The following HERC4 variants were observed in gnomAD, a reference collection of about 807,000 sequenced individuals.
HERC4 encodes the protein probable E3 ubiquitin-protein ligase HERC4.
In HERC4, 28 loss-of-function variants were observed where a neutral mutation model predicts 124.3. The ratio of observed to expected loss-of-function variants is 0.23; its 90% CI spans 0.17 to 0.31. The LOEUF is 0.31. Among genes scored for constraint, HERC4 ranks in the 10% least tolerant of loss-of-function variants. The probability of loss-of-function intolerance (pLI) is 1.00; values close to 1 mark genes in which losing one functional copy is unlikely to be tolerated. For synonymous variants in HERC4, 407 were observed against 421.5 expected (o/e 0.97, Z 0.42); for missense variants, 713 against 1,229.3 (o/e 0.58, Z 6.28).
At chr10:67,923,162 G>A in intron 24 of HERC4, 23 bp from the exon 25 acceptor site, 1 of 1,581,796 alleles carries the variant, frequency 6.3e-7, no homozygotes, top group Non-Finnish European at 8.7e-7. Flanking sequence ...AAATCATTCA[G>A]TCAACCACTT....
intron 1 of HERC4, chr10:68,074,236 C>T (rs893363440): frequency 3.9e-5 from 6 of 152,124 alleles, no homozygotes; most frequent in Non-Finnish European, 8.8e-5. Flanking sequence ...TACTAAATAT[C>T]ATAATTACAG....
At chr10:68,065,424 A>G (rs970333865) in intron 3 of HERC4, among the ~76,000 whole-genome samples, 5 of 152,372 alleles carry the variant, frequency 3.3e-5, no homozygotes, top group African/African-American at 1.2e-4. Flanking sequence ...CCCATTCTAA[A>G]GGATTCCAGA....
intron 9 of HERC4, among the ~76,000 whole-genome samples, chr10:68,013,494 A>T (rs986909049): frequency 6.6e-6 from 1 of 152,210 alleles, no homozygotes; most frequent in African/African-American, 2.4e-5. Context: ...ACACTACTAT[A>T]TGATTCCACT....
chr10:68,070,306 T>C (rs2041507040), intron 3 of HERC4: 1 of 959,838 alleles, frequency 1.0e-6, no homozygotes, highest in Admixed American at 6.2e-5. Context: ...GTTAAAAACA[T>C]TATTTAAAAA....
intron 3 of HERC4, among the ~76,000 whole-genome samples, chr10:68,063,729 G>C (rs2041151932): frequency 6.6e-6 from 1 of 152,138 alleles, no homozygotes. Flanking sequence ...CCTGAGGCCA[G>C]GAGTTTGAGA....
At chr10:67,940,089 G>A (rs760506237) in intron 20 of HERC4, among the ~76,000 whole-genome samples, 12 of 151,844 alleles carry the variant, frequency 7.9e-5, no homozygotes, top group Non-Finnish European at 1.6e-4. Context: ...CACCATGCCC[G>A]GCTAATTTTT....
chr10:68,059,291 GATGTGGTTGAGTGTCCCTATCCATAA>G (rs2040710671), intron 3 of HERC4, among the ~76,000 whole-genome samples: 1 of 151,004 alleles, frequency 6.6e-6, no homozygotes, highest in Non-Finnish European at 1.5e-5. Context: ...TTGACGGGTT[GATGTGGTTGAGTGTCCCTATCCATAA>G]ATGTGGTTTT....
chr10:67,983,027 C>T (rs1373630894), intron 15 of HERC4, among the ~76,000 whole-genome samples: 1 of 148,296 alleles, frequency 6.7e-6, no homozygotes, highest in African/African-American at 2.5e-5. Flanking sequence ...AATTGGGAGG[C>T]TGAGGCAGGA....
intron 5 of HERC4, among the ~76,000 whole-genome samples, chr10:68,037,181 G>A (rs886792820): frequency 2.1e-5 from 3 of 142,328 alleles, no homozygotes; most frequent in Non-Finnish European, 4.5e-5. Context: ...TGCAACTTCC[G>A]CCTCCCGGGT....
At chr10:68,061,081 T>G (rs1432312987) in intron 3 of HERC4, among the ~76,000 whole-genome samples, 2 of 152,134 alleles carry the variant, frequency 1.3e-5, no homozygotes, top group African/African-American at 4.8e-5. Flanking sequence ...ACCAACAGCA[T>G]TATCGCAAAA....
chr10:68,066,123 CTCT>C (rs1217697503), intron 3 of HERC4, among the ~76,000 whole-genome samples: 1 of 152,162 alleles, frequency 6.6e-6, no homozygotes, highest in East Asian at 1.9e-4. Context: ...AGTACACCTC[CTCT>C]ATTAGATTCT....
At chr10:67,973,839 G>A (rs548621596) in intron 15 of HERC4, among the ~76,000 whole-genome samples, 1 of 151,978 alleles carries the variant, frequency 6.6e-6, no homozygotes, top group Admixed American at 6.6e-5. Flanking sequence ...AGATCACAAG[G>A]GCAAGAGATC....
At chr10:68,008,940 C>T (rs1036143176) in intron 9 of HERC4, among the ~76,000 whole-genome samples, 8 of 152,078 alleles carry the variant, frequency 5.3e-5, no homozygotes, top group Non-Finnish European at 1.0e-4. Context: ...TTTATACTAG[C>T]CTGGGCGCAG....
Position 67,978,634 on chromosome 10 carries a change from C to T in HERC4, c.1806+10029G>A, listed in dbSNP as rs543420811. 9.2e-5 allele frequency among the ~76,000 whole-genome samples: 14 copies of T among 152,278 alleles called. 1 individual carries two copies. In the South Asian group the frequency reaches 1.9e-3, roughly 20 times the overall value. On this transcript the variant is annotated intron_variant, in intron 15 of 24. Transcript: ENST00000373700. ...CACCTTGAGTGAAGATAGTCAGTAGCCAGGAAGTTGTTATAACAGGCCTTG... is the reference window on the plus strand; with the variant it reads ...CACCTTGAGTGAAGATAGTCAGTAGTCAGGAAGTTGTTATAACAGGCCTTG...
intron 23 of HERC4, among the ~76,000 whole-genome samples, chr10:67,927,411 TATATATATATATATATA>T (rs1564910943): frequency 0.012 from 162 of 13,458 alleles, 2 homozygotes; most frequent in Non-Finnish European, 0.017. Flanking sequence ...TATATATATA[TATATATATATATATATA>T]TATTTTTTTT....
intron 3 of HERC4, among the ~76,000 whole-genome samples, chr10:68,059,525 A>ATTAT (rs1363368197): frequency 9.1e-6 from 1 of 110,114 alleles, no homozygotes; most frequent in African/African-American, 3.2e-5. Flanking sequence ...ATATCATAAT[A>ATTAT]ATATTATATA....
chr10:68,028,458 T>C (rs2039019105), intron 7 of HERC4, among the ~76,000 whole-genome samples: 1 of 152,232 alleles, frequency 6.6e-6, no homozygotes, highest in African/African-American at 2.4e-5. Context: ...CGTAGTAATC[T>C]TTGCTTTTTT....
chr10:67,952,854 T>C (rs747105574), intron 19 of HERC4, among the ~76,000 whole-genome samples: 92 of 148,778 alleles, frequency 6.2e-4, no homozygotes, highest in Non-Finnish European at 1.1e-3. Flanking sequence ...GAGCCGAGAG[T>C]GCGCCACTGT....
intron 16 of HERC4, chr10:67,959,104 C>A (rs1313403859): frequency 1.3e-6 from 2 of 1,595,922 alleles, no homozygotes; most frequent in Non-Finnish European, 1.7e-6. Context: ...TTTATTACAC[C>A]AAACTTACCT....
Sources: gnomAD v4.1 joint callset for allele counts (sites outside exome capture counted in the v4.1 genomes callset) on GRCh38, gnomAD v4.1.1 for gene constraint, MANE v1.5 for transcripts, NCBI Gene and HGNC (gene_info 2026-07-23, HGNC 2026-07-21) for gene names.